The following UMAD1 variants were observed in gnomAD, a reference collection of about 807,000 sequenced individuals.
The protein encoded by UMAD1 is UBAP1-MVB12-associated (UMA)-domain containing protein 1.
A neutral mutation model predicts 6.1 loss-of-function variants in UMAD1; 8 were observed. The observed-to-expected ratio is 1.30, with a 90% CI of 0.76 to 2.35. The LOEUF is 2.35. UMAD1 is among the 30% of genes most tolerant of loss of function. The pLI is 0.00. For synonymous variants in UMAD1, 56 were observed against 31.4 expected, an observed-to-expected ratio of 1.78 and a Z score of -2.61; for missense variants, 130 against 78.4, an observed-to-expected ratio of 1.66 and a Z score of -2.49.
At chr7:7,643,481 C>A (rs1012716459) in intron 1 of UMAD1, among the ~76,000 whole-genome samples, 1 of 152,176 alleles carries the variant, frequency 6.6e-6, no homozygotes, top group Non-Finnish European at 1.5e-5. Flanking sequence ...GAGGCTGAAG[C>A]GGGTGGATCA....
intron 2 of UMAD1, among the ~76,000 whole-genome samples, chr7:7,718,922 T>C (rs1199392245): frequency 6.9e-6 from 1 of 145,094 alleles, no homozygotes; most frequent in Non-Finnish European, 1.5e-5. Flanking sequence ...CCCAAGTGAT[T>C]TTGACCATCA....
At chr7:7,785,810 A>G (rs1782450737) in intron 2 of UMAD1, among the ~76,000 whole-genome samples, 1 of 152,186 alleles carries the variant, frequency 6.6e-6, no homozygotes, top group South Asian at 2.1e-4. Context: ...TCCTTGACAC[A>G]AAGAGTACCT....
intron 2 of UMAD1, among the ~76,000 whole-genome samples, chr7:7,753,260 A>C (rs1781712121): frequency 6.6e-6 from 1 of 152,194 alleles, no homozygotes; most frequent in Non-Finnish European, 1.5e-5. Context: ...TCAAGCATTT[A>C]TCCTTTGTGT....
intron 3 of UMAD1, among the ~76,000 whole-genome samples, chr7:7,816,589 C>A (rs1457815609): frequency 6.6e-6 from 1 of 152,140 alleles, no homozygotes; most frequent in Non-Finnish European, 1.5e-5. Flanking sequence ...GAGAATGTGG[C>A]AAAGCAGCAG....
intron 2 of UMAD1, among the ~76,000 whole-genome samples, chr7:7,796,036 A>C (rs191570881): frequency 3.3e-5 from 5 of 152,118 alleles, no homozygotes; most frequent in African/African-American, 1.2e-4. Flanking sequence ...AGGGGACAGA[A>C]CCACTTGTGG....
intron 3 of UMAD1, among the ~76,000 whole-genome samples, chr7:7,809,779 T>C (rs1782987587): frequency 6.6e-6 from 1 of 152,076 alleles, no homozygotes; most frequent in Non-Finnish European, 1.5e-5. Context: ...ACATGTTCAC[T>C]CTTCTTCTGA....
chr7:7,734,851 C>T (rs989355877), intron 2 of UMAD1, among the ~76,000 whole-genome samples: 1 of 151,888 alleles, frequency 6.6e-6, no homozygotes, highest in Admixed American at 6.6e-5. Flanking sequence ...TGTGTTTAAC[C>T]CCAAGTGTAT....
At chr7:7,660,838 A>G (rs1329731791) in intron 1 of UMAD1, among the ~76,000 whole-genome samples, 3 of 152,118 alleles carry the variant, frequency 2.0e-5, no homozygotes, top group Non-Finnish European at 4.4e-5. Context: ...CTGAATTTGA[A>G]TGTTGGCCTG....
chr7:7,743,180 A>C (rs1033820448), intron 2 of UMAD1, among the ~76,000 whole-genome samples: 1 of 152,160 alleles, frequency 6.6e-6, no homozygotes, highest in Non-Finnish European at 1.5e-5. Context: ...TGCAGGATGA[A>C]ATTTATATAC....
chr7:7,699,000 G>GTGC (rs981110025), intron 2 of UMAD1, among the ~76,000 whole-genome samples: 2 of 150,984 alleles, frequency 1.3e-5, no homozygotes, highest in Admixed American at 1.3e-4. Context: ...GACTACAGGA[G>GTGC]TGCACCATCA....
intron 2 of UMAD1, among the ~76,000 whole-genome samples, chr7:7,688,928 G>C: frequency 6.6e-6 from 1 of 152,044 alleles, no homozygotes; most frequent in East Asian, 1.9e-4. Context: ...ATAAGTCTTT[G>C]TTAACTTATC....
At chr7:7,870,631 G>A (rs1784315314) in intron 3 of UMAD1, among the ~76,000 whole-genome samples, 1 of 152,210 alleles carries the variant, frequency 6.6e-6, no homozygotes, top group Non-Finnish European at 1.5e-5. Flanking sequence ...TCCATTGGCT[G>A]CCAGACTTAG....
In UMAD1 at chr7:7,867,101, A is replaced by G. The variant is rs569557499; in HGVS notation, c.157-10180A>G. ...GGTTCTCTTCACTGATAGAGAAAAT[A>G]TTGGAAGATTGGAAGAGCATTAAGT... On this transcript the variant is annotated intron_variant, in intron 3 of 3. Coordinates refer to ENST00000682710, the MANE Select transcript of UMAD1 (RefSeq NM_001302348.2). Among the ~76,000 whole-genome samples the G allele has an allele frequency of 2.0e-5, 3 of 152,310 alleles. No individual in the cohort carries two copies. In the East Asian group the frequency reaches 5.8e-4, roughly 29 times the overall value.
intron 2 of UMAD1, among the ~76,000 whole-genome samples, chr7:7,754,993 C>T (rs916773745): frequency 6.6e-5 from 10 of 152,040 alleles, no homozygotes; most frequent in African/African-American, 2.4e-4. Flanking sequence ...CATACAGCTG[C>T]TGGGGTGATT....
chr7:7,680,398 G>T (rs1358575583), intron 2 of UMAD1, among the ~76,000 whole-genome samples: 3 of 152,094 alleles, frequency 2.0e-5, no homozygotes. Flanking sequence ...ATTCGTCCAT[G>T]TGTCTGTTTT....
chr7:7,708,463 CA>C (rs28912691), intron 2 of UMAD1, among the ~76,000 whole-genome samples: 355 of 152,262 alleles, frequency 2.3e-3, no homozygotes, highest in African/African-American at 8.0e-3. Context: ...ATTTATTAGA[CA>C]GCATTTACCA....
chr7:7,663,261 A>G (rs1045701955), intron 1 of UMAD1, among the ~76,000 whole-genome samples: 18 of 147,146 alleles, frequency 1.2e-4, no homozygotes, highest in African/African-American at 4.5e-4. Context: ...TGAAGCAAAC[A>G]CCTAAATCTA....
At chr7:7,856,633 A>G (rs573545479) in intron 3 of UMAD1, among the ~76,000 whole-genome samples, 9 of 152,210 alleles carry the variant, frequency 5.9e-5, no homozygotes, top group South Asian at 4.1e-4. Flanking sequence ...GATATTTTTC[A>G]TATGTTTTTT....
chr7:7,650,794 G>T (rs1156521930), intron 1 of UMAD1, among the ~76,000 whole-genome samples: 1 of 152,062 alleles, frequency 6.6e-6, no homozygotes, highest in Non-Finnish European at 1.5e-5. Flanking sequence ...GATTTCCTCC[G>T]GCATCACTGT....
Sources: allele counts gnomAD v4.1 joint callset (sites outside exome capture counted in the v4.1 genomes callset), GRCh38; gene constraint gnomAD v4.1.1; transcripts MANE v1.5; gene names NCBI Gene and HGNC (gene_info 2026-07-23, HGNC 2026-07-21).